Variants in SFMBT2 observed in about 807,000 individuals in gnomAD.
The protein encoded by SFMBT2 is scm-like with four MBT domains protein 2.
A neutral mutation model predicts 110.1 loss-of-function variants in SFMBT2; 38 were observed. That is an observed-to-expected ratio of 0.35 (90% CI 0.27 to 0.45). The LOEUF is 0.45. Among genes scored for constraint, SFMBT2 ranks in the 20% least tolerant of loss-of-function variants. The pLI is 1.00. For synonymous variants in SFMBT2, 425 were observed against 425.4 expected (o/e 1.00, Z 0.01); for missense variants, 1,011 against 1,094.9 (o/e 0.92, Z 1.08).
At chr10:7,258,139 C>T (rs1324400526) in intron 7 of SFMBT2, among the ~76,000 whole-genome samples, 2 of 151,910 alleles carry the variant, frequency 1.3e-5, no homozygotes, top group Non-Finnish European at 2.9e-5. Context: ...TGCCATGTTG[C>T]TCAGGCTGGT....
chr10:7,168,606 A>G (rs954073525), intron 20 of SFMBT2, among the ~76,000 whole-genome samples: 2 of 152,248 alleles, frequency 1.3e-5, no homozygotes, highest in African/African-American at 4.8e-5. Context: ...CTTGTCACGT[A>G]TTTGAATACA....
At chr10:7,366,427 A>G (rs1050735196) in intron 4 of SFMBT2, among the ~76,000 whole-genome samples, 2 of 150,200 alleles carry the variant, frequency 1.3e-5, no homozygotes, top group African/African-American at 4.9e-5. Flanking sequence ...ACAATATATC[A>G]TAACAAAAAA....
Position 7,171,521 on chromosome 10 carries a change from G to C in SFMBT2, c.2415+374C>G, listed in dbSNP as rs1398810333. On this transcript the variant is annotated intron_variant, in intron 19 of 20. Coordinates refer to ENST00000397167, the MANE Select transcript of SFMBT2 (RefSeq NM_001387889.1). The surrounding 1 kb of genome is among the most constrained non-coding windows in gnomAD (Gnocchi z 4.9). The stretch of plus-strand genomic sequence containing the variant: ...TGATTAAATATTTTAAAACATCACA[G>C]AGGTGTCCTATAGAGGGGACGTGGG... 3 of 985,318 alleles carry C rather than the reference G, an allele frequency of 3.0e-6. No homozygotes were observed. The highest frequency in any genetic ancestry group is 3.5e-5 in the African/African-American group (2 of 57,242). The allele number at this position is 985,318 out of a possible 1,614,324, so 61.0% of individuals were successfully genotyped here.
At chr10:7,235,762 T>C (rs540522139) in intron 9 of SFMBT2, among the ~76,000 whole-genome samples, 27 of 152,288 alleles carry the variant, frequency 1.8e-4, no homozygotes, top group African/African-American at 4.3e-4. Flanking sequence ...AGTGAGGATA[T>C]AGAATATCTG....
intron 7 of SFMBT2, among the ~76,000 whole-genome samples, chr10:7,271,827 A>G (rs952388888): frequency 6.6e-6 from 1 of 152,180 alleles, no homozygotes; most frequent in Non-Finnish European, 1.5e-5. Context: ...TTCTGCAGGG[A>G]AACTCCCATT....
In SFMBT2 at chr10:7,160,176, C is replaced by T. The variant is rs1284037899; in HGVS notation, c.*3594G>A. On this transcript the variant is annotated 3_prime_UTR_variant, in exon 21 of 21. Transcript: ENST00000397167. Reference sequence around the variant, plus strand: ...AATTTTGAAAGTGATGGATGAGTTCCCCACGCTGTGCAGCTCCGTGGTGAA... The same window carrying T: ...AATTTTGAAAGTGATGGATGAGTTCTCCACGCTGTGCAGCTCCGTGGTGAA... 2.0e-5 allele frequency: 3 copies of T among 152,178 alleles called. No individual in the cohort carries two copies. The highest frequency in any genetic ancestry group is 7.2e-5 in the African/African-American group (3 of 41,438). 9.4% of individuals were successfully genotyped at this position (152,178 alleles called of 1,614,324 possible).
intron 4 of SFMBT2, among the ~76,000 whole-genome samples, chr10:7,356,164 G>A (rs908696349): frequency 2.0e-5 from 3 of 152,162 alleles, no homozygotes; most frequent in Non-Finnish European, 4.4e-5. Flanking sequence ...AGGCATCTCC[G>A]TACTCTTGAA....
intron 14 of SFMBT2, among the ~76,000 whole-genome samples, chr10:7,198,976 TTTTTG>T (rs1838865710): frequency 1.3e-5 from 2 of 151,960 alleles, no homozygotes; most frequent in Admixed American, 1.3e-4. Context: ...AGAAGAAAGT[TTTTTG>T]TTTTGTTTTG....
chr10:7,370,351 G>C lies in SFMBT2; in HGVS notation c.125C>G (p.Thr42Ser), dbSNP rs1354444380. 1.9e-6 allele frequency: 3 copies of C among 1,614,152 alleles called. No individual in the cohort carries two copies. Among genetic ancestry groups the C allele is most frequent in the Non-Finnish European group, 2.5e-6 (3 of 1,180,012 alleles). ...DSEEGSSLEE[T>S]GFNWGEYLEE... ...CAAATATTCTCCCCAGTTAAAGCCAGTTTCCTCCAAGCTTGAGCCTTCTTC... is the reference window on the plus strand; with the variant it reads ...CAAATATTCTCCCCAGTTAAAGCCACTTTCCTCCAAGCTTGAGCCTTCTTC... Residue 42 changes from threonine (T) to serine (S), a missense_variant, in exon 3 of 21, where the codon ACT (threonine) becomes AGT (serine). By Grantham distance (58) the Thr-to-Ser change is moderately conservative. Coordinates refer to ENST00000397167, the MANE Select transcript of SFMBT2 (RefSeq NM_001387889.1).
At chr10:7,194,195 G>A (rs1436662422) in intron 15 of SFMBT2, among the ~76,000 whole-genome samples, 1 of 152,142 alleles carries the variant, frequency 6.6e-6, no homozygotes, top group African/African-American at 2.4e-5. Context: ...ACCATTGAGT[G>A]ACTCTGGTTC....
intron 7 of SFMBT2, among the ~76,000 whole-genome samples, chr10:7,254,103 G>A (rs995097321): frequency 6.6e-6 from 1 of 152,176 alleles, no homozygotes; most frequent in African/African-American, 2.4e-5. Context: ...TGCTGTATGT[G>A]CAGAACTTTC....
intron 4 of SFMBT2, among the ~76,000 whole-genome samples, chr10:7,354,627 T>TA (rs1255866152): frequency 6.6e-6 from 1 of 152,194 alleles, no homozygotes; most frequent in East Asian, 1.9e-4. Flanking sequence ...GAAAGACTTC[T>TA]AGTTCACAGG....
At chr10:7,194,699 A>C (rs940703332) in intron 15 of SFMBT2, among the ~76,000 whole-genome samples, 3 of 152,220 alleles carry the variant, frequency 2.0e-5, no homozygotes, top group Admixed American at 2.0e-4. Context: ...CACTCACAGA[A>C]CTGAAGCACT....
intron 9 of SFMBT2, among the ~76,000 whole-genome samples, chr10:7,233,660 T>C (rs10905123): frequency 0.26 from 39,494 of 152,232 alleles, 5,323 homozygotes; most frequent in South Asian, 0.38. Flanking sequence ...CAGTCCTTTC[T>C]GAGAAAGTTT....
intron 7 of SFMBT2, 104 bp downstream of exon 7, chr10:7,276,788 A>C (rs905688797): frequency 3.4e-5 from 24 of 709,402 alleles, no homozygotes; most frequent in Non-Finnish European, 5.7e-5. Context: ...AGCCTCTCAA[A>C]GTGCTGGGAT....
chr10:7,188,497 T>G, intron 16 of SFMBT2, 127 bp downstream of exon 16: 1 of 681,676 alleles, frequency 1.5e-6, no homozygotes, highest in South Asian at 2.3e-5. Context: ...CCCATAGAAC[T>G]GCAGAACGAA....
chr10:7,197,742 G>C, intron 14 of SFMBT2, 55 bp from the exon 15 acceptor site: 1 of 1,594,204 alleles, frequency 6.3e-7, no homozygotes, highest in South Asian at 1.1e-5. Context: ...AGACCCTAGG[G>C]GACCCCTAGA....
intron 1 of SFMBT2, among the ~76,000 whole-genome samples, chr10:7,389,668 A>G (rs371075262): frequency 4.2e-4 from 64 of 152,342 alleles, no homozygotes; most frequent in African/African-American, 1.4e-3. Flanking sequence ...GAATAAGGGA[A>G]TAACAAGCTA....
intron 7 of SFMBT2, among the ~76,000 whole-genome samples, chr10:7,251,183 G>C (rs1362786427): frequency 8.2e-6 from 1 of 121,388 alleles, no homozygotes; most frequent in African/African-American, 2.8e-5. Flanking sequence ...AAAAAAAAAA[G>C]ATTAAAAGTG....
Sources: gnomAD v4.1 joint callset for allele counts (sites outside exome capture counted in the v4.1 genomes callset) on GRCh38, gnomAD v4.1.1 for gene constraint, Gnocchi (gnomAD v3.1) non-coding constraint, MANE v1.5 for transcripts, NCBI Gene and HGNC (gene_info 2026-07-23, HGNC 2026-07-21) for gene names.